The following ANKRD11 variants were observed in gnomAD, a reference collection of about 807,000 sequenced individuals.
ANKRD11 encodes ankyrin repeat domain 11.
ANKRD11 carries 17 observed loss-of-function variants against 195.7 expected under a neutral mutation model. The ratio of observed to expected loss-of-function variants is 0.09; its 90% CI spans 0.06 to 0.13. The LOEUF is 0.13. ANKRD11 is among the 10% of genes least tolerant of loss of function. The probability of loss-of-function intolerance (pLI) is 1.00; values close to 1 mark genes in which losing one functional copy is unlikely to be tolerated. For synonymous variants in ANKRD11, 1,953 were observed against 1,528.1 expected (o/e 1.28, Z -6.49); for missense variants, 3,735 against 3,566.1 (o/e 1.05, Z -1.21).
chr16:89,349,242 A>T (rs1332209925), intron 2 of ANKRD11, among the ~76,000 whole-genome samples: 1 of 151,866 alleles, frequency 6.6e-6, no homozygotes. Flanking sequence ...AAAAGACCAA[A>T]AACAGGCCAG....
At chr16:89,432,967 TC>T (rs1229066510) in intron 1 of ANKRD11, among the ~76,000 whole-genome samples, 2 of 148,520 alleles carry the variant, frequency 1.3e-5, no homozygotes, top group Admixed American at 1.3e-4. Context: ...TCTCTCTCTC[TC>T]TCTCTCTCTC....
intron 2 of ANKRD11, among the ~76,000 whole-genome samples, chr16:89,372,192 C>A (rs1446147219): frequency 1.3e-5 from 2 of 152,254 alleles, no homozygotes; most frequent in Non-Finnish European, 2.9e-5. Flanking sequence ...AAAGCAGCGG[C>A]AGCGCACGGC....
chr16:89,476,051 C>CAA (rs558174138), intron 1 of ANKRD11, among the ~76,000 whole-genome samples: 7 of 66,216 alleles, frequency 1.1e-4, no homozygotes, highest in Non-Finnish European at 1.8e-4. Flanking sequence ...GACTGTGTCT[C>CAA]AAAAAAAAAA....
At chr16:89,355,697 A>T (rs2039439173) in intron 2 of ANKRD11, among the ~76,000 whole-genome samples, 1 of 152,196 alleles carries the variant, frequency 6.6e-6, no homozygotes. Context: ...AAACCCAAAG[A>T]TGCTCACTTG....
chr16:89,461,675 A>C (rs1301369334), intron 1 of ANKRD11, among the ~76,000 whole-genome samples: 1 of 152,220 alleles, frequency 6.6e-6, no homozygotes, highest in African/African-American at 2.4e-5. Flanking sequence ...TTACTAAACA[A>C]GGAAAAGCTC....
intron 12 of ANKRD11, 134 bp downstream of exon 12, chr16:89,270,683 T>C: frequency 1.1e-6 from 1 of 883,806 alleles, no homozygotes. Flanking sequence ...TAAGAGAATC[T>C]GAAATTGTCA....
At chr16:89,306,199 G>A (rs1489010099) in intron 3 of ANKRD11, among the ~76,000 whole-genome samples, 1 of 81,788 alleles carries the variant, frequency 1.2e-5, no homozygotes, top group African/African-American at 5.1e-5. Context: ...CTCCCACTCC[G>A]CAGACACGCG....
intron 2 of ANKRD11, among the ~76,000 whole-genome samples, chr16:89,372,329 G>T (rs1161080926): frequency 1.3e-5 from 2 of 152,258 alleles, no homozygotes; most frequent in African/African-American, 4.8e-5. Flanking sequence ...CGACGGATGC[G>T]GCCACCACTG....
chr16:89,344,260 G>A (rs759270981), intron 2 of ANKRD11, among the ~76,000 whole-genome samples: 6 of 152,120 alleles, frequency 3.9e-5, no homozygotes, highest in South Asian at 2.1e-4. Context: ...ACTTTCATAC[G>A]TTATTTTATT....
chr16:89,385,028 G>C (rs1029311386), intron 2 of ANKRD11, among the ~76,000 whole-genome samples: 5 of 151,392 alleles, frequency 3.3e-5, no homozygotes, highest in African/African-American at 1.2e-4. Flanking sequence ...TGGAACTACA[G>C]GCACACACCA....
intron 2 of ANKRD11, among the ~76,000 whole-genome samples, chr16:89,401,457 A>T (rs1397152471): frequency 6.6e-6 from 1 of 152,228 alleles, no homozygotes; most frequent in Non-Finnish European, 1.5e-5. Flanking sequence ...AAAATGCAGA[A>T]TGTGAAGCCT....
At chr16:89,324,994 G>A (rs1017775903) in intron 2 of ANKRD11, 1 of 162,124 alleles carries the variant, frequency 6.2e-6, no homozygotes, top group African/African-American at 2.4e-5. Context: ...GTGGAGCAAA[G>A]GAAACTAGTC....
chr16:89,271,082 C>A, intron 11 of ANKRD11, 173 bp from the exon 12 acceptor site: 2 of 683,350 alleles, frequency 2.9e-6, no homozygotes, highest in Non-Finnish European at 5.3e-6. Flanking sequence ...GCACCCTGCC[C>A]ATCTCCCTAA....
rs1241964175 is a variant in ANKRD11, at chr16:89,280,074, C to T, written c.6468G>A (p.Val2156=). ...CTTCTGGAGGAGCAAGACTTTCTTC[C>T]ACGGGTTCCGCTTCACCATCTGCGG... The part of the protein sequence containing the change: ...KDAADGEAEP[V]EESLAPPEEM... Residue 2156 remains valine, a synonymous_variant, in exon 9 of 13, where the codon GTG becomes GTA. Transcript: ENST00000301030. 3 of 1,613,112 alleles carry T rather than the reference C, an allele frequency of 1.9e-6. No homozygotes were observed. Among genetic ancestry groups the T allele is most frequent in the Non-Finnish European group, 2.5e-6 (3 of 1,179,952 alleles).
chr16:89,298,388 G>A (rs1469003518), intron 4 of ANKRD11: 1 of 152,518 alleles, frequency 6.6e-6, no homozygotes, highest in African/African-American at 2.4e-5. Flanking sequence ...TGGGCGGTGA[G>A]AGCACAGGGC....
At chr16:89,424,488 C>G (rs557150489) in intron 1 of ANKRD11, among the ~76,000 whole-genome samples, 1 of 151,792 alleles carries the variant, frequency 6.6e-6, no homozygotes, top group African/African-American at 2.4e-5. Context: ...TTCTGCTGTT[C>G]TGTGTGTCTC....
At chr16:89,308,981 C>T (rs928489735) in intron 3 of ANKRD11, among the ~76,000 whole-genome samples, 1 of 152,222 alleles carries the variant, frequency 6.6e-6, no homozygotes, top group African/African-American at 2.4e-5. Context: ...CCCCAAAGAT[C>T]AGCCCTCCTC....
chr16:89,405,606 T>A (rs1319770504), intron 2 of ANKRD11, among the ~76,000 whole-genome samples: 1 of 151,670 alleles, frequency 6.6e-6, no homozygotes, highest in Non-Finnish European at 1.5e-5. Context: ...AGTGCTGGGA[T>A]TACAGGCCTG....
rs551624461 is a variant in ANKRD11, at chr16:89,378,755, C to CT, written c.-60+39528dup. 2.6e-3 allele frequency among the ~76,000 whole-genome samples: 398 copies of CT among 152,200 alleles called. 3 individuals are homozygous for CT. The highest frequency in any genetic ancestry group is 8.8e-3 in the African/African-American group (367 of 41,512). On this transcript the variant is annotated intron_variant, in intron 2 of 12. Transcript: ENST00000301030. The stretch of plus-strand genomic sequence containing the variant: ...CCACCATGCCTGGCTAATTTTTTGT[C>CT]TGTGTATTTTAGTAGAGACGGGGTT...
Sources: allele counts gnomAD v4.1 joint callset (sites outside exome capture counted in the v4.1 genomes callset), GRCh38; gene constraint gnomAD v4.1.1; transcripts MANE v1.5; gene names NCBI Gene and HGNC (gene_info 2026-07-23, HGNC 2026-07-21).